Variants in NALF1 observed in about 807,000 individuals in gnomAD.
NALF1 encodes the protein NALCN channel auxiliary factor 1.
In NALF1, 3 loss-of-function variants were observed where a neutral mutation model predicts 48.4. That is an observed-to-expected ratio of 0.06 (90% CI 0.03 to 0.16). NALF1 has a LOEUF of 0.16. Among genes scored for constraint, NALF1 ranks in the 10% least tolerant of loss-of-function variants. NALF1 has a pLI of 1.00. For missense variants in NALF1, 526 were observed against 571.5 expected (o/e 0.92, Z 0.81); for synonymous variants, 262 against 245.7 (o/e 1.07, Z -0.62).
chr13:107,467,294 G>A (rs1238114493), intron 1 of NALF1, among the ~76,000 whole-genome samples: 3 of 108,178 alleles, frequency 2.8e-5, no homozygotes, highest in East Asian at 2.6e-4. Flanking sequence ...AAATCTGTCC[G>A]ATTTTGGCAC....
chr13:107,777,128 T>G (rs992419611), intron 1 of NALF1, among the ~76,000 whole-genome samples: 2 of 152,190 alleles, frequency 1.3e-5, no homozygotes, highest in South Asian at 2.1e-4. Flanking sequence ...TAACATTTAC[T>G]GATATTTCTA....
chr13:107,442,031 A>G (rs538223477), intron 1 of NALF1, among the ~76,000 whole-genome samples: 3 of 152,370 alleles, frequency 2.0e-5, no homozygotes, highest in Admixed American at 2.0e-4. Flanking sequence ...TAAGAGAGCC[A>G]AAATAGGATG....
intron 1 of NALF1, among the ~76,000 whole-genome samples, chr13:107,780,769 T>C (rs1877865264): frequency 6.6e-6 from 1 of 152,060 alleles, no homozygotes; most frequent in Non-Finnish European, 1.5e-5. Context: ...CTGTCTCTAC[T>C]AAAAATACAA....
chr13:107,334,405 A>T (rs1047218231), intron 1 of NALF1, among the ~76,000 whole-genome samples: 1 of 151,952 alleles, frequency 6.6e-6, no homozygotes, highest in East Asian at 1.9e-4. Context: ...TTCTTTTCCA[A>T]CCCCTCCTTT....
rs536219731 is a variant in NALF1 at position 107,440,554 on chromosome 13, G to C, written c.916-229799C>G. ...TTTGCGCTGAGTTTTGAGAGAAAGA[G>C]AAGAGGACACCGTGTTCTCTGAGTG... is the stretch of plus-strand genomic sequence containing the variant. On this transcript the variant is annotated intron_variant, in intron 1 of 2. Transcript: ENST00000375915. Among the ~76,000 whole-genome samples the C allele has an allele frequency of 2.6e-5, 4 of 152,284 alleles. No homozygotes were observed. The East Asian group carries it at 7.7e-4, about 29-fold the overall frequency.
chr13:107,451,565 C>T (rs561339039), intron 1 of NALF1, among the ~76,000 whole-genome samples: 1 of 152,144 alleles, frequency 6.6e-6, no homozygotes, highest in South Asian at 2.1e-4. Context: ...TGAATACATG[C>T]TCCAGGTATT....
intron 1 of NALF1, among the ~76,000 whole-genome samples, chr13:107,632,320 GT>G (rs1445015886): frequency 1.3e-5 from 2 of 152,078 alleles, no homozygotes; most frequent in African/African-American, 4.8e-5. Context: ...TTCAACTCCT[GT>G]GTGATGCTTC....
At chr13:107,331,537 G>C (rs1882468614) in intron 1 of NALF1, among the ~76,000 whole-genome samples, 1 of 152,114 alleles carries the variant, frequency 6.6e-6, no homozygotes, top group South Asian at 2.1e-4. Context: ...TACCATAAAA[G>C]TGATGGCCAA....
intron 1 of NALF1, among the ~76,000 whole-genome samples, chr13:107,510,614 G>A (rs1875856423): frequency 6.6e-6 from 1 of 152,086 alleles, no homozygotes; most frequent in African/African-American, 2.4e-5. Flanking sequence ...CCAGTGTATT[G>A]ATATCAAAAT....
At chr13:107,595,781 T>C (rs2138420812) in intron 1 of NALF1, among the ~76,000 whole-genome samples, 1 of 152,254 alleles carries the variant, frequency 6.6e-6, no homozygotes, top group African/African-American at 2.4e-5. Flanking sequence ...AAATCAAGGC[T>C]CAAGTAATGC....
At chr13:107,734,126 A>C (rs754175551) in intron 1 of NALF1, among the ~76,000 whole-genome samples, 12 of 152,140 alleles carry the variant, frequency 7.9e-5, no homozygotes, top group Non-Finnish European at 1.3e-4. Context: ...GATGTCACCA[A>C]GAATAGGAAT....
intron 1 of NALF1, among the ~76,000 whole-genome samples, chr13:107,407,757 C>T (rs922037943): frequency 1.3e-5 from 2 of 152,006 alleles, no homozygotes; most frequent in African/African-American, 4.8e-5. Flanking sequence ...GGTATATACA[C>T]GAAAGAAAGA....
intron 1 of NALF1, among the ~76,000 whole-genome samples, chr13:107,720,489 C>T (rs1004375741): frequency 4.7e-5 from 5 of 107,256 alleles, no homozygotes; most frequent in Non-Finnish European, 8.4e-5. Context: ...CCAGCCTGGG[C>T]AACAGAGTGA....
At chr13:107,726,245 A>G (rs1594230269) in intron 1 of NALF1, among the ~76,000 whole-genome samples, 2 of 152,152 alleles carry the variant, frequency 1.3e-5, no homozygotes, top group East Asian at 3.8e-4. Flanking sequence ...TTATTTTACC[A>G]GTAGTGACAA....
intron 1 of NALF1, among the ~76,000 whole-genome samples, chr13:107,702,654 G>T (rs1347892304): frequency 2.0e-5 from 3 of 152,070 alleles, no homozygotes; most frequent in African/African-American, 7.3e-5. Flanking sequence ...TAGGTATTAA[G>T]CCCAGCATCC....
At chr13:107,857,470 G>C (rs768889920) in intron 1 of NALF1, among the ~76,000 whole-genome samples, 2 of 152,180 alleles carry the variant, frequency 1.3e-5, no homozygotes, top group Non-Finnish European at 2.9e-5. Context: ...GTTTACAGGA[G>C]ATGGAGGATC....
chr13:107,692,244 G>A (rs1487087064), intron 1 of NALF1, among the ~76,000 whole-genome samples: 3 of 152,182 alleles, frequency 2.0e-5, no homozygotes, highest in Non-Finnish European at 4.4e-5. Flanking sequence ...AGACTCTAGT[G>A]AGAATGGGTT....
rs144015984 is a variant in NALF1, at chr13:107,412,807, A to G, written c.916-202052T>C. On this transcript the variant is annotated intron_variant, in intron 1 of 2. Coordinates refer to ENST00000375915, the MANE Select transcript of NALF1 (RefSeq NM_001080396.3). ...GGGCACCGGTTTCAGCCCTATTACA[A>G]GAGAGACACTTGGCGTAATAAAGTT... Among the ~76,000 whole-genome samples, 462 of 152,352 alleles carry G rather than the reference A, an allele frequency of 3.0e-3. 4 individuals are homozygous for G. The highest frequency in any genetic ancestry group is 0.011 in the African/African-American group (439 of 41,580).
At chr13:107,601,912 T>C (rs889228363) in intron 1 of NALF1, among the ~76,000 whole-genome samples, 6 of 152,156 alleles carry the variant, frequency 3.9e-5, no homozygotes, top group African/African-American at 1.4e-4. Context: ...CCTTCCTTCC[T>C]TTTCCTTCTA....
Sources: gnomAD v4.1 joint callset for allele counts (sites outside exome capture counted in the v4.1 genomes callset) on GRCh38, gnomAD v4.1.1 for gene constraint, MANE v1.5 for transcripts, NCBI Gene and HGNC (gene_info 2026-07-23, HGNC 2026-07-21) for gene names.